The following ZCWPW1 variants were observed in gnomAD, a reference collection of about 807,000 sequenced individuals.
ZCWPW1 encodes the protein zinc finger CW-type and PWWP domain containing 1.
A neutral mutation model predicts 81.3 loss-of-function variants in ZCWPW1; 56 were observed. That is an observed-to-expected ratio of 0.69 (90% confidence interval 0.56 to 0.86). The LOEUF is 0.86. Among genes scored for constraint, ZCWPW1 ranks in the 40% least tolerant of loss-of-function variants. The pLI, the probability that ZCWPW1 is intolerant of heterozygous loss-of-function variation, is 0.00. For missense variants in ZCWPW1, 650 were observed against 769.8 expected (o/e 0.84, Z 1.84); for synonymous variants, 250 against 273.7 (o/e 0.91, Z 0.86).
At chr7:100,408,996 ACT>A (rs1793633448) in intron 9 of ZCWPW1, among the ~76,000 whole-genome samples, 1 of 151,680 alleles carries the variant, frequency 6.6e-6, no homozygotes. Flanking sequence ...TTTCTCTGAG[ACT>A]CTGTTTTCTC....
intron 16 of ZCWPW1, 113 bp from the exon 17 acceptor site, chr7:100,402,154 C>G (rs1392924719): frequency 2.2e-6 from 3 of 1,387,338 alleles, no homozygotes; most frequent in Non-Finnish European, 2.9e-6. Context: ...CAGTTGCAAT[C>G]TAGTGAGTTT....
At chr7:100,425,494 A>G (rs1797158586) in intron 1 of ZCWPW1, among the ~76,000 whole-genome samples, 1 of 152,216 alleles carries the variant, frequency 6.6e-6, no homozygotes, top group Non-Finnish European at 1.5e-5. Context: ...AAAGAGTTTT[A>G]TTTCACTTAG....
In ZCWPW1 at chr7:100,406,678, C is replaced by G. The variant is rs771154657; in HGVS notation, c.1173+16G>C. On this transcript the variant is annotated intron_variant, in intron 12 of 17. Coordinates refer to ENST00000684423, the MANE Select transcript of ZCWPW1 (RefSeq NM_001386010.1). ...TGTTTTCTCTGTATCACAACAGAAC[C>G]CCAAGATGTGCTCACCATGACTGAT... 61 of 1,609,680 alleles carry G rather than the reference C, an allele frequency of 3.8e-5. No individual in the cohort carries two copies. Among genetic ancestry groups the G allele is most frequent in the Non-Finnish European group, 4.8e-5 (57 of 1,176,094 alleles).
intron 8 of ZCWPW1, among the ~76,000 whole-genome samples, chr7:100,415,591 G>C (rs1253967537): frequency 6.6e-6 from 1 of 152,074 alleles, no homozygotes; most frequent in African/African-American, 2.4e-5. Context: ...ATTCGACATG[G>C]CTGAGCATCC....
intron 2 of ZCWPW1, among the ~76,000 whole-genome samples, chr7:100,424,750 G>A (rs1584294572): frequency 6.6e-6 from 1 of 152,080 alleles, no homozygotes; most frequent in South Asian, 2.1e-4. Context: ...ATGACGCACC[G>A]TGCCCGGCCG....
chr7:100,415,793 T>C (rs1324506881), intron 8 of ZCWPW1, among the ~76,000 whole-genome samples, 182 bp downstream of exon 8: 1 of 152,224 alleles, frequency 6.6e-6, no homozygotes, highest in South Asian at 2.1e-4. Flanking sequence ...CCAACAACTA[T>C]GGATTATGTG....
Position 100,416,043 on chromosome 7 carries a change from C to T in ZCWPW1, c.686G>A (p.Arg229Gln), listed in dbSNP as rs577472355. 1.7e-5 allele frequency: 28 copies of T among 1,614,112 alleles called. No individual in the cohort carries two copies. The African/African-American group carries it at 2.0e-4, about 12-fold the overall frequency. The change falls in exon 8 of 18, where the codon CGA (arginine) becomes CAA (glutamine). Residue 229 changes from arginine to glutamine, a missense_variant. Physicochemically the swap from Arg to Gln is conservative, Grantham distance 43 (BLOSUM62 1). Transcript: ENST00000684423. ...ATGATCCTGAACTGTTTTCTTTAGT[C>T]GGTCTTCCTGTCTGTGCTCATGTCC... Reference protein sequence around the residue: ...QGGHEHRQEDRLKKTVQDHSQ... With the variant: ...QGGHEHRQEDQLKKTVQDHSQ...
Position 100,408,533 on chromosome 7 carries a change from C to A in ZCWPW1, c.992+6G>T. ...AGGATGCTCTGACTGTGTCATAATGCCCTACCAGGGGTAACCGTATTGCTT... is the reference window on the plus strand; with the variant it reads ...AGGATGCTCTGACTGTGTCATAATGACCTACCAGGGGTAACCGTATTGCTT... On this transcript the variant is annotated splice_donor_region_variant and intron_variant, in intron 10 of 17. Coordinates refer to ENST00000684423, the MANE Select transcript of ZCWPW1 (RefSeq NM_001386010.1). 1 of 1,611,950 alleles carries A rather than the reference C, an allele frequency of 6.2e-7. No individual in the cohort carries two copies. Among genetic ancestry groups the A allele is most frequent in the Non-Finnish European group, 8.5e-7 (1 of 1,179,074 alleles).
intron 8 of ZCWPW1, among the ~76,000 whole-genome samples, chr7:100,413,393 ACT>A (rs778228504): frequency 2.6e-5 from 4 of 151,674 alleles, no homozygotes; most frequent in Non-Finnish European, 4.4e-5. Context: ...CCTACCTAAA[ACT>A]CTTTCTTCAC....
chr7:100,404,947 C>G, intron 13 of ZCWPW1, 66 bp downstream of exon 13: 9 of 1,528,792 alleles, frequency 5.9e-6, no homozygotes, highest in Non-Finnish European at 8.1e-6. Context: ...TTTGTCTGGA[C>G]TGAGAAAGAA....
Position 100,407,216 on chromosome 7 carries a change from C to T in ZCWPW1, c.1068+12G>A. 1 of 1,613,550 alleles carries T rather than the reference C, an allele frequency of 6.2e-7. No homozygotes were observed. Among genetic ancestry groups the T allele is most frequent in the Non-Finnish European group, 8.5e-7 (1 of 1,179,606 alleles). ...GCCTGAGCTCCTTCTTACCCTGAAC[C>T]AGGAAACTCACCGGCAGGGAATCAA... On this transcript the variant is annotated intron_variant, in intron 11 of 17. Transcript: ENST00000684423.
At chr7:100,425,670 G>A (rs1797193447) in intron 1 of ZCWPW1, among the ~76,000 whole-genome samples, 3 of 152,270 alleles carry the variant, frequency 2.0e-5, no homozygotes, top group Non-Finnish European at 4.4e-5. Flanking sequence ...CCAACAGACT[G>A]AATGCAGAAA....
At chr7:100,420,467 CAT>C (rs1563147228) in intron 3 of ZCWPW1, among the ~76,000 whole-genome samples, 153 bp downstream of exon 3, 1 of 152,134 alleles carries the variant, frequency 6.6e-6, no homozygotes, top group East Asian at 1.9e-4. Flanking sequence ...GTTTTTAAGT[CAT>C]ATTTATTTCA....
Position 100,419,170 on chromosome 7 carries a change from T to A in ZCWPW1, c.302A>T (p.Asn101Ile), listed in dbSNP as rs1390721646. The A allele has an allele frequency of 1.2e-6, 2 of 1,612,912 alleles. No individual in the cohort carries two copies. Among genetic ancestry groups the A allele is most frequent in the Non-Finnish European group, 1.7e-6 (2 of 1,179,546 alleles). ...KKEKEKSSLT[N>I]AEFEEIVQIV... is the part of the protein sequence containing the mutation. ...CTGGACAATCTCCTCAAATTCTGCATTGGTAAGACTTGATTTTTCCTGCAG... is the reference window on the plus strand; with the variant it reads ...CTGGACAATCTCCTCAAATTCTGCAATGGTAAGACTTGATTTTTCCTGCAG... The change falls in exon 5 of 18, where the codon AAT becomes ATT. Residue 101 changes from asparagine (N) to isoleucine (I), a missense_variant. Coordinates refer to ENST00000684423, the MANE Select transcript of ZCWPW1 (RefSeq NM_001386010.1).
At chr7:100,423,087 C>T (rs1227337757) in intron 2 of ZCWPW1, among the ~76,000 whole-genome samples, 5 of 152,034 alleles carry the variant, frequency 3.3e-5, no homozygotes, top group African/African-American at 1.2e-4. Context: ...TCTGGGAAGA[C>T]CTTTAGGGAT....
intron 3 of ZCWPW1, among the ~76,000 whole-genome samples, chr7:100,420,222 T>A (rs1161464721): frequency 6.6e-6 from 1 of 152,224 alleles, no homozygotes; most frequent in African/African-American, 2.4e-5. Context: ...TTACTTTAGA[T>A]AAAATGTTAT....
chr7:100,428,190 G>C (rs1798089645), intron 1 of ZCWPW1, among the ~76,000 whole-genome samples: 1 of 152,128 alleles, frequency 6.6e-6, no homozygotes, highest in Non-Finnish European at 1.5e-5. Context: ...GGCGATGGGC[G>C]GAACCAGCTG....
intron 9 of ZCWPW1, 67 bp from the exon 10 acceptor site, chr7:100,408,726 C>A: frequency 6.4e-7 from 1 of 1,561,884 alleles, no homozygotes; most frequent in Non-Finnish European, 8.6e-7. Context: ...TGGATGAGAG[C>A]TGGGGAGAGA....
chr7:100,415,642 C>A (rs188999566), intron 8 of ZCWPW1, among the ~76,000 whole-genome samples: 1 of 152,120 alleles, frequency 6.6e-6, no homozygotes, highest in Admixed American at 6.6e-5. Context: ...ATCTATAATA[C>A]CACTCCTTAT....
Sources: allele counts gnomAD v4.1 joint callset (sites outside exome capture counted in the v4.1 genomes callset), GRCh38; gene constraint gnomAD v4.1.1; transcripts MANE v1.5; gene names NCBI Gene and HGNC (gene_info 2026-07-23, HGNC 2026-07-21).